SLC28A3: variants seen among roughly 807,000 people sequenced by gnomAD.
SLC28A3 encodes the protein solute carrier family 28 member 3.
In SLC28A3, 68 loss-of-function variants were observed where a neutral mutation model predicts 84.2. That is an observed-to-expected ratio of 0.81 (90% CI 0.66 to 0.99). The LOEUF (loss-of-function observed/expected upper bound fraction) is 0.99. SLC28A3 is among the 50% of genes least tolerant of loss of function. The pLI is 0.00. For synonymous variants in SLC28A3, 267 were observed against 303.6 expected, an observed-to-expected ratio of 0.88 and a Z score of 1.25; for missense variants, 712 against 841.5, an observed-to-expected ratio of 0.85 and a Z score of 1.90.
rs759432009 is a variant in SLC28A3, at chr9:84,278,372, C to A, written c.1950-28G>T. The A allele has an allele frequency of 4.3e-6, 7 of 1,613,160 alleles. No individual in the cohort carries two copies. In the African/African-American group the frequency reaches 8.0e-5, roughly 18 times the overall value. The stretch of plus-strand genomic sequence containing the variant: ...GGTGGAAAGTGGAAAGAAACAGTTA[C>A]ATGAGCCATAGATGGCAGAAACAGT... On this transcript the variant is annotated intron_variant, in intron 17 of 17. Coordinates refer to ENST00000376238, the MANE Select transcript of SLC28A3 (RefSeq NM_001199633.2).
chr9:84,304,283 G>A (rs1825720491), intron 4 of SLC28A3, among the ~76,000 whole-genome samples: 1 of 152,178 alleles, frequency 6.6e-6, no homozygotes, highest in South Asian at 2.1e-4. Context: ...CAACCCTACT[G>A]TTCCCTATTC....
the SLC28A3 span, among the ~76,000 whole-genome samples, chr9:84,354,014 T>A: frequency 6.6e-6 from 1 of 152,220 alleles, no homozygotes; most frequent in African/African-American, 2.4e-5. Flanking sequence ...TACTGAGATA[T>A]TGGTGTCACT....
At chr9:84,362,580 C>T in the SLC28A3 span, among the ~76,000 whole-genome samples, 70 of 151,356 alleles carry the variant, frequency 4.6e-4, no homozygotes, top group African/African-American at 1.6e-3. Context: ...TGCAGTGAGC[C>T]GAGATCGGGC....
chr9:84,365,742 T>G, the SLC28A3 span, among the ~76,000 whole-genome samples: 6 of 152,194 alleles, frequency 3.9e-5, no homozygotes, highest in African/African-American at 7.2e-5. Context: ...CTCTGTATAT[T>G]TTCAGACAAG....
the SLC28A3 span, among the ~76,000 whole-genome samples, chr9:84,362,914 T>A: frequency 0.019 from 2,897 of 152,150 alleles, 30 homozygotes; most frequent in South Asian, 0.038. Flanking sequence ...AAATAACAGA[T>A]TTATAAATCT....
chr9:84,287,315 G>A (rs1825031358), intron 12 of SLC28A3, among the ~76,000 whole-genome samples: 1 of 152,136 alleles, frequency 6.6e-6, no homozygotes, highest in Non-Finnish European at 1.5e-5. Flanking sequence ...GACACATGTT[G>A]GTTGCTGATG....
At chr9:84,317,584 G>A (rs1283384246) in intron 1 of SLC28A3, among the ~76,000 whole-genome samples, 3 of 152,076 alleles carry the variant, frequency 2.0e-5, no homozygotes, top group Non-Finnish European at 2.9e-5. Flanking sequence ...CAGTTCTTGT[G>A]GTGGGGGTTT....
In SLC28A3 at chr9:84,340,616, T is replaced by C; in HGVS notation, c.18A>G (p.Thr6=). Residue 6 remains threonine (T), a synonymous_variant, in exon 1 of 18, where the codon ACA becomes ACG. Transcript: ENST00000376238. MELRS[T]AAPRAEGYSN... The stretch of plus-strand genomic sequence containing the variant: ...TGTAGCCCTCAGCTCTGGGGGCTGC[T>C]GTACTCCTCAGCTCCATGCTCTTTT... 1 of 1,614,162 alleles carries C rather than the reference T, an allele frequency of 6.2e-7. No homozygotes were observed. Among genetic ancestry groups the C allele is most frequent in the Non-Finnish European group, 8.5e-7 (1 of 1,180,020 alleles).
At chr9:84,305,434 CT>C in intron 3 of SLC28A3, 89 bp from the exon 4 acceptor site, 2 of 1,080,330 alleles carry the variant, frequency 1.9e-6, no homozygotes, top group Non-Finnish European at 1.4e-6. Flanking sequence ...GCTTTGTAAA[CT>C]AAGAAGGCAA....
chr9:84,299,557 C>G (rs770526260), intron 6 of SLC28A3, 24 bp downstream of exon 6: 204 of 1,612,294 alleles, frequency 1.3e-4, no homozygotes, highest in Non-Finnish European at 1.7e-4. Flanking sequence ...AAAAAAGAAC[C>G]TAAAAGATCA....
At chr9:84,321,065 G>A (rs937804735) in intron 1 of SLC28A3, among the ~76,000 whole-genome samples, 1 of 151,990 alleles carries the variant, frequency 6.6e-6, no homozygotes, top group Admixed American at 6.6e-5. Flanking sequence ...AAAGTTCAAG[G>A]TGCTACTTCT....
At chr9:84,297,828 A>G (rs1219483840) in intron 7 of SLC28A3, 78 bp downstream of exon 7, 3 of 1,213,288 alleles carry the variant, frequency 2.5e-6, no homozygotes, top group East Asian at 4.7e-5. Context: ...AGATAAACCC[A>G]TTTCTGACAC....
the SLC28A3 span, among the ~76,000 whole-genome samples, chr9:84,349,512 C>T: frequency 2.0e-5 from 3 of 152,242 alleles, no homozygotes; most frequent in Non-Finnish European, 2.9e-5. Context: ...GTTGGGATTA[C>T]AGGCATCAGC....
intron 1 of SLC28A3, among the ~76,000 whole-genome samples, chr9:84,339,495 C>T (rs1401218639): frequency 1.3e-5 from 2 of 152,152 alleles, no homozygotes; most frequent in African/African-American, 4.8e-5. Flanking sequence ...AATGATCAGC[C>T]CGCCTCAGCC....
the SLC28A3 span, among the ~76,000 whole-genome samples, chr9:84,351,882 G>GA: frequency 5.1e-3 from 695 of 135,250 alleles, 3 homozygotes; most frequent in Middle Eastern, 7.7e-3. Context: ...AAGGGTTCAG[G>GA]AAAAAAAAAA....
chr9:84,278,230 A>T lies in SLC28A3; in HGVS notation c.2064T>A (p.Ser688=). 6 of 1,613,456 alleles carry T rather than the reference A, an allele frequency of 3.7e-6. No homozygotes were observed. Among genetic ancestry groups the T allele is most frequent in the Non-Finnish European group, 5.1e-6 (6 of 1,179,438 alleles). The change falls in exon 18 of 18, where the codon TCT becomes TCA. Residue 688 remains serine (S), a synonymous_variant. Transcript: ENST00000376238. ...GAAGTGGCTGACCTCAAAATGTATT[A>T]GAGATCCCATTGCAGTTAAAGGTCG... ...NPSTFNCNGI[S]NTF
Position 84,320,253 on chromosome 9 carries a change from C to T in SLC28A3, c.61-6799G>A, listed in dbSNP as rs952953353. On this transcript the variant is annotated intron_variant, in intron 1 of 17. Transcript: ENST00000376238. ...TATTTTTAGTAGAGACAGGATTTTG[C>T]CATGATGGCCAGGCTGGTCTTGAAC... 2.0e-5 allele frequency among the ~76,000 whole-genome samples: 3 copies of T among 151,562 alleles called. No homozygotes were observed. In the East Asian group the frequency reaches 5.9e-4, roughly 30 times the overall value.
intron 1 of SLC28A3, among the ~76,000 whole-genome samples, chr9:84,331,515 A>G (rs544056924): frequency 1.6e-4 from 25 of 152,260 alleles, no homozygotes; most frequent in Admixed American, 5.2e-4. Flanking sequence ...CCATTTAACA[A>G]ACTCTCCAAA....
In SLC28A3 at chr9:84,340,740, G is replaced by T; in HGVS notation, c.-107C>A. On this transcript the variant is annotated 5_prime_UTR_variant, in exon 1 of 18. Transcript: ENST00000376238. ...GCCACCTGCTGTTACAGGGACCTGG[G>T]CACAGCTTGCTTCAGTTTGGAAACT... 1 of 1,264,638 alleles carries T rather than the reference G, an allele frequency of 7.9e-7. No individual in the cohort carries two copies. The highest frequency in any genetic ancestry group is 1.1e-6 in the Non-Finnish European group (1 of 882,124). 78.3% of individuals were successfully genotyped at this position (1,264,638 alleles called of 1,614,324 possible).
Sources: allele counts gnomAD v4.1 joint callset (sites outside exome capture counted in the v4.1 genomes callset), GRCh38; gene constraint gnomAD v4.1.1; transcripts MANE v1.5; gene names NCBI Gene and HGNC (gene_info 2026-07-23, HGNC 2026-07-21).